Variants in CERT1 observed in about 807,000 individuals in gnomAD.
The protein encoded by CERT1 is ceramide transfer protein.
In CERT1, 31 loss-of-function variants were observed where a neutral mutation model predicts 87.9. That is an observed-to-expected ratio of 0.35 (90% CI 0.27 to 0.48). CERT1 has a LOEUF of 0.48. Ranked by LOEUF, CERT1 falls within the 20% of genes least tolerant of loss-of-function variation. The pLI, the probability that CERT1 is intolerant of heterozygous loss-of-function variation, is 0.99. For missense variants in CERT1, 487 were observed against 758.0 expected (o/e 0.64, Z 4.20); for synonymous variants, 289 against 250.9 (o/e 1.15, Z -1.44).
At chr5:75,508,069 C>T (rs116588725) in intron 1 of CERT1, among the ~76,000 whole-genome samples, 3,586 of 152,230 alleles carry the variant, frequency 0.024, 138 homozygotes, top group African/African-American at 0.082. Context: ...ACTTTTCTTA[C>T]ATTGATCGTA....
intron 11 of CERT1, among the ~76,000 whole-genome samples, chr5:75,396,430 A>G (rs1274225216): frequency 2.0e-5 from 3 of 152,212 alleles, no homozygotes; most frequent in Admixed American, 6.5e-5. Flanking sequence ...ATATTTGTGT[A>G]TTAAGAACGA....
intron 3 of CERT1, among the ~76,000 whole-genome samples, chr5:75,444,698 G>T (rs1764467466): frequency 6.6e-6 from 1 of 151,328 alleles, no homozygotes; most frequent in African/African-American, 2.4e-5. Context: ...AGGCCCACGT[G>T]ACCATGCCCA....
intron 2 of CERT1, among the ~76,000 whole-genome samples, chr5:75,500,766 T>C (rs996100395): frequency 7.2e-5 from 11 of 152,170 alleles, no homozygotes; most frequent in African/African-American, 2.7e-4. Flanking sequence ...TCTCGCTAAT[T>C]TGGAGTTCTT....
intron 8 of CERT1, among the ~76,000 whole-genome samples, chr5:75,404,306 A>G (rs990355746): frequency 1.3e-5 from 2 of 151,816 alleles, no homozygotes; most frequent in South Asian, 4.2e-4. Flanking sequence ...AAAAAAAAAA[A>G]AAAAAAAACA....
chr5:75,374,223 T>TA (rs1359964674), downstream of CERT1: 3 of 374,056 alleles, frequency 8.0e-6, no homozygotes, highest in African/African-American at 4.8e-5. Context: ...AAAAGACAAG[T>TA]AAAAAACTCA....
rs188611658 is a variant in CERT1, at chr5:75,447,506, T to C, written c.348+11559A>G. 2.6e-5 allele frequency among the ~76,000 whole-genome samples: 4 copies of C among 151,410 alleles called. No homozygotes were observed. In the East Asian group the frequency reaches 7.7e-4, roughly 29 times the overall value. ...ATTTTTTTGAGACGGAGTTTCGCTC[T>C]GTTGCCCAGGGTAGAGTGCAGTGGC... is the stretch of plus-strand genomic sequence containing the variant. On this transcript the variant is annotated intron_variant, in intron 3 of 16. Coordinates refer to ENST00000643780, the MANE Select transcript of CERT1 (RefSeq NM_001379029.1).
intron 2 of CERT1, among the ~76,000 whole-genome samples, chr5:75,503,824 TG>T (rs1767496815): frequency 8.6e-3 from 1 of 116 alleles, no homozygotes; most frequent in South Asian, 0.5. Context: ...TGGATATAAA[TG>T]TTAAAATTTA....
downstream of CERT1, chr5:75,377,719 T>C (rs1437698180): frequency 1.3e-5 from 2 of 152,228 alleles, no homozygotes; most frequent in Non-Finnish European, 2.9e-5. Context: ...AAGAAACTAG[T>C]AATAGCATAT....
chr5:75,484,336 AAG>A (rs1766400550), intron 2 of CERT1, among the ~76,000 whole-genome samples: 1 of 151,848 alleles, frequency 6.6e-6, no homozygotes, highest in Non-Finnish European at 1.5e-5. Flanking sequence ...AAAGAAAAAA[AAG>A]AAGACCACAA....
chr5:75,506,826 T>C (rs1239064071), intron 1 of CERT1, among the ~76,000 whole-genome samples: 1 of 152,218 alleles, frequency 6.6e-6, no homozygotes, highest in Non-Finnish European at 1.5e-5. Flanking sequence ...TATTGGATTG[T>C]CTTCAATACC....
chr5:75,463,973 T>C (rs1274950417), intron 2 of CERT1, among the ~76,000 whole-genome samples: 2 of 152,110 alleles, frequency 1.3e-5, no homozygotes, highest in Non-Finnish European at 2.9e-5. Context: ...AGTTCTTTGA[T>C]ACTACCTGGG....
At chr5:75,440,238 C>A (rs554797937) in intron 3 of CERT1, among the ~76,000 whole-genome samples, 1 of 151,914 alleles carries the variant, frequency 6.6e-6, no homozygotes, top group Non-Finnish European at 1.5e-5. Context: ...GGAACTGAAC[C>A]AATCATGAAT....
At chr5:75,476,033 A>G (rs1463782039) in intron 2 of CERT1, among the ~76,000 whole-genome samples, 2 of 152,200 alleles carry the variant, frequency 1.3e-5, no homozygotes, top group African/African-American at 4.8e-5. Flanking sequence ...TTTTTTATTC[A>G]ATAAAAAATC....
At chr5:75,381,805 G>C in intron 15 of CERT1, 144 bp downstream of exon 15, 3 of 767,216 alleles carry the variant, frequency 3.9e-6, no homozygotes, top group African/African-American at 1.8e-5. Flanking sequence ...GGGCTATACT[G>C]TTCCTAGCAG....
At chr5:75,396,861 C>T (rs1371087525) in intron 11 of CERT1, among the ~76,000 whole-genome samples, 1 of 152,020 alleles carries the variant, frequency 6.6e-6, no homozygotes, top group Non-Finnish European at 1.5e-5. Context: ...GGTGTGAGAA[C>T]TGTAAAATGT....
At chr5:75,496,038 A>G (rs2112443174) in intron 2 of CERT1, among the ~76,000 whole-genome samples, 1 of 152,242 alleles carries the variant, frequency 6.6e-6, no homozygotes, top group South Asian at 2.1e-4. Context: ...TAGTGATAAA[A>G]ATCAGTCTCT....
chr5:75,504,485 TA>T (rs1268921694), intron 2 of CERT1, among the ~76,000 whole-genome samples: 3 of 152,182 alleles, frequency 2.0e-5, no homozygotes, highest in Non-Finnish European at 4.4e-5. Context: ...AAATAATGTA[TA>T]AAAAATAATG....
At chr5:75,510,468 C>T (rs1031313636) in intron 1 of CERT1, among the ~76,000 whole-genome samples, 2 of 152,118 alleles carry the variant, frequency 1.3e-5, no homozygotes, top group Non-Finnish European at 2.9e-5. Context: ...TAATGCTCTT[C>T]CTGGACTAAA....
At chr5:75,386,783 C>T (rs1312942767) in intron 12 of CERT1, among the ~76,000 whole-genome samples, 2 of 152,098 alleles carry the variant, frequency 1.3e-5, no homozygotes, top group Non-Finnish European at 2.9e-5. Context: ...TTATTGGGAC[C>T]ACCGTTTTCC....
Sources: gnomAD v4.1 joint callset for allele counts (sites outside exome capture counted in the v4.1 genomes callset) on GRCh38, gnomAD v4.1.1 for gene constraint, MANE v1.5 for transcripts, NCBI Gene and HGNC (gene_info 2026-07-23, HGNC 2026-07-21) for gene names.